SHTN1: variants seen among roughly 807,000 people sequenced by gnomAD.
SHTN1 encodes shootin 1.
SHTN1 carries 42 observed loss-of-function variants against 83.1 expected under a neutral mutation model. The observed-to-expected ratio is 0.51, with a 90% CI of 0.39 to 0.65. The LOEUF is 0.65. Ranked by LOEUF, SHTN1 falls within the 30% of genes least tolerant of loss-of-function variation. SHTN1 has a pLI of 0.00. For missense variants in SHTN1, 622 were observed against 737.8 expected (o/e 0.84, Z 1.82); for synonymous variants, 224 against 247.7 (o/e 0.90, Z 0.90).
chr10:117,054,572 AT>A (rs1020910625), intron 1 of SHTN1, among the ~76,000 whole-genome samples: 1 of 151,512 alleles, frequency 6.6e-6, no homozygotes, highest in Non-Finnish European at 1.5e-5. Context: ...TGCCTGGCTA[AT>A]TTTTTTAATA....
At chr10:117,123,909 A>C (rs898149570) in intron 1 of SHTN1, among the ~76,000 whole-genome samples, 35 of 141,264 alleles carry the variant, frequency 2.5e-4, no homozygotes, top group Admixed American at 1.6e-3. Flanking sequence ...CTGTCTCACA[A>C]AAAAAAAAAA....
At chr10:117,018,568 A>ATT (rs36032476) in intron 2 of SHTN1, among the ~76,000 whole-genome samples, 91 of 31,352 alleles carry the variant, frequency 2.9e-3, no homozygotes, top group African/African-American at 3.9e-3. Context: ...TGCTCTCACC[A>ATT]TTTTTTTTTT....
At chr10:116,902,999 G>GT (rs1213126150) in intron 15 of SHTN1, among the ~76,000 whole-genome samples, 1 of 152,120 alleles carries the variant, frequency 6.6e-6, no homozygotes, top group African/African-American at 2.4e-5. Context: ...GTATAATAGC[G>GT]TAACATATCA....
intron 1 of SHTN1, among the ~76,000 whole-genome samples, chr10:116,990,536 C>T (rs1466760200): frequency 6.6e-6 from 1 of 152,156 alleles, no homozygotes. Flanking sequence ...ATTGTCTTAA[C>T]ATTCACTGCC....
intron 1 of SHTN1, among the ~76,000 whole-genome samples, chr10:117,081,061 C>T (rs1589923844): frequency 6.6e-6 from 1 of 152,038 alleles, no homozygotes. Flanking sequence ...GCCAGAACTT[C>T]CAACACTATG....
At chr10:116,995,224 T>G (rs545025673) in intron 1 of SHTN1, among the ~76,000 whole-genome samples, 1 of 152,242 alleles carries the variant, frequency 6.6e-6, no homozygotes, top group East Asian at 1.9e-4. Flanking sequence ...TTTTGGGTCT[T>G]CAAGGAGGTA....
chr10:116,923,815 G>C (rs1230178622), intron 11 of SHTN1, among the ~76,000 whole-genome samples: 1 of 152,078 alleles, frequency 6.6e-6, no homozygotes, highest in Non-Finnish European at 1.5e-5. Context: ...CCTCCCAAAA[G>C]GCTGGGATTA....
intron 1 of SHTN1, among the ~76,000 whole-genome samples, chr10:117,084,695 T>C (rs1312067039): frequency 1.3e-5 from 2 of 152,016 alleles, no homozygotes; most frequent in African/African-American, 4.8e-5. Context: ...CGAGACTCCG[T>C]GAGGTAGGAC....
chr10:116,914,959 T>C (rs1424136418), intron 13 of SHTN1, among the ~76,000 whole-genome samples: 1 of 152,256 alleles, frequency 6.6e-6, no homozygotes, highest in African/African-American at 2.4e-5. Flanking sequence ...TCCACTATAA[T>C]AGAAGCCTCA....
chr10:116,949,520 A>T (rs1166448013), intron 6 of SHTN1, among the ~76,000 whole-genome samples: 2 of 152,236 alleles, frequency 1.3e-5, no homozygotes, highest in Non-Finnish European at 2.9e-5. Context: ...CAATTTTGGT[A>T]TTCATTTTAA....
At chr10:117,105,021 C>T (rs952141936) in intron 1 of SHTN1, among the ~76,000 whole-genome samples, 1 of 151,900 alleles carries the variant, frequency 6.6e-6, no homozygotes, top group Admixed American at 6.6e-5. Flanking sequence ...ACCTCAAATG[C>T]GTACTCCTCC....
At chr10:116,904,390 T>C (rs971537448) in intron 15 of SHTN1, among the ~76,000 whole-genome samples, 4 of 152,112 alleles carry the variant, frequency 2.6e-5, no homozygotes, top group African/African-American at 9.7e-5. Flanking sequence ...TAAAAAATGG[T>C]ATGATTTCTT....
chr10:117,096,143 T>C (rs1198928089), intron 1 of SHTN1, among the ~76,000 whole-genome samples: 1 of 152,200 alleles, frequency 6.6e-6, no homozygotes, highest in African/African-American at 2.4e-5. Flanking sequence ...CATAAAAAGA[T>C]ACACACTATC....
chr10:116,899,501 G>A (rs1483897049), intron 16 of SHTN1, among the ~76,000 whole-genome samples: 1 of 139,154 alleles, frequency 7.2e-6, no homozygotes, highest in Non-Finnish European at 1.5e-5. Flanking sequence ...AGAGTGGCTG[G>A]GGCTGGTGTG....
At chr10:116,945,165 C>T in intron 7 of SHTN1, 147 bp from the exon 8 acceptor site, 1 of 604,174 alleles carries the variant, frequency 1.7e-6, no homozygotes, top group Admixed American at 3.0e-5. Context: ...ACTGATAAAA[C>T]CTTTTTGGAG....
chr10:116,943,953 C>A, intron 8 of SHTN1, among the ~76,000 whole-genome samples: 1 of 152,120 alleles, frequency 6.6e-6, no homozygotes, highest in Non-Finnish European at 1.5e-5. Context: ...GAAGACCCAA[C>A]GACTGCATGT....
intron 1 of SHTN1, among the ~76,000 whole-genome samples, chr10:117,123,849 G>A (rs1447124397): frequency 6.9e-6 from 1 of 145,244 alleles, no homozygotes; most frequent in Non-Finnish European, 1.5e-5. Flanking sequence ...GCAGTGAGTC[G>A]AGATCACATT....
At chr10:117,021,606 G>C (rs897384895) in intron 2 of SHTN1, among the ~76,000 whole-genome samples, 1 of 152,078 alleles carries the variant, frequency 6.6e-6, no homozygotes, top group African/African-American at 2.4e-5. Context: ...AATTTTAGTG[G>C]CAGTTTGCTA....
chr10:116,963,499 C>T (rs1292979593), intron 3 of SHTN1, among the ~76,000 whole-genome samples: 3 of 151,930 alleles, frequency 2.0e-5, no homozygotes, highest in Non-Finnish European at 4.4e-5. Flanking sequence ...ATTTGGATGA[C>T]ATGAGGTTTA....
Sources: allele counts gnomAD v4.1 joint callset (sites outside exome capture counted in the v4.1 genomes callset), GRCh38; gene constraint gnomAD v4.1.1; transcripts MANE v1.5; gene names NCBI Gene and HGNC (gene_info 2026-07-23, HGNC 2026-07-21).